RALYL: variants seen among roughly 807,000 people sequenced by gnomAD.
The protein encoded by RALYL is RNA-binding Raly-like protein.
RALYL carries 29 observed loss-of-function variants against 35.1 expected under a neutral mutation model. That is an observed-to-expected ratio of 0.83 (90% confidence interval 0.61 to 1.13). RALYL has a LOEUF of 1.13. Ranked by LOEUF, RALYL falls within the 50% of genes most tolerant of loss-of-function variation. The probability of loss-of-function intolerance (pLI) is 0.00; values close to 1 mark genes in which losing one functional copy is unlikely to be tolerated. For missense variants in RALYL, 359 were observed against 360.4 expected, an observed-to-expected ratio of 1.00 and a Z score of 0.03; for synonymous variants, 120 against 127.6, an observed-to-expected ratio of 0.94 and a Z score of 0.40.
chr8:84,298,037 T>C (rs1298422917), intron 1 of RALYL, among the ~76,000 whole-genome samples: 1 of 152,070 alleles, frequency 6.6e-6, no homozygotes, highest in Non-Finnish European at 1.5e-5. Context: ...TCTTTAGTTT[T>C]ATTAGGTCCT....
intron 2 of RALYL, among the ~76,000 whole-genome samples, chr8:84,558,539 G>T (rs1470610695): frequency 6.6e-6 from 1 of 152,082 alleles, no homozygotes; most frequent in Admixed American, 6.6e-5. Flanking sequence ...GTTGTGGAAT[G>T]ATAGTTTCTA....
intron 1 of RALYL, among the ~76,000 whole-genome samples, chr8:84,426,632 A>C (rs1322961038): frequency 1.3e-5 from 2 of 152,164 alleles, no homozygotes; most frequent in African/African-American, 4.8e-5. Flanking sequence ...AAAACAAATA[A>C]ACTGATTTAA....
At chr8:84,745,970 T>C (rs16913185) in intron 2 of RALYL, among the ~76,000 whole-genome samples, 40,887 of 151,916 alleles carry the variant, frequency 0.27, 5,918 homozygotes, top group African/African-American at 0.35. Flanking sequence ...TATGATTGAG[T>C]TGCAGGGTAT....
chr8:84,898,285 G>GC (rs1346787078), intron 8 of RALYL, among the ~76,000 whole-genome samples: 1 of 152,154 alleles, frequency 6.6e-6, no homozygotes, highest in African/African-American at 2.4e-5. Flanking sequence ...TGATTGTGGT[G>GC]CCTACTGAAG....
intron 2 of RALYL, among the ~76,000 whole-genome samples, chr8:84,657,683 A>G (rs913261018): frequency 3.3e-5 from 5 of 152,172 alleles, no homozygotes; most frequent in African/African-American, 1.2e-4. Flanking sequence ...CAAAGAGGCC[A>G]CTTGAGGAAG....
chr8:84,639,716 C>T (rs1825917097), intron 2 of RALYL, among the ~76,000 whole-genome samples: 1 of 151,862 alleles, frequency 6.6e-6, no homozygotes, highest in Non-Finnish European at 1.5e-5. Flanking sequence ...GCCCCTGGTC[C>T]ATCATACACC....
At chr8:84,683,688 G>T (rs999809173) in intron 2 of RALYL, among the ~76,000 whole-genome samples, 2 of 151,816 alleles carry the variant, frequency 1.3e-5, no homozygotes, top group African/African-American at 2.4e-5. Context: ...TTTGGTTTTG[G>T]TTTTGGTTTT....
At chr8:84,390,053 A>T (rs1860260059) in intron 1 of RALYL, among the ~76,000 whole-genome samples, 1 of 152,132 alleles carries the variant, frequency 6.6e-6, no homozygotes, top group African/African-American at 2.4e-5. Context: ...TTTTGCATGA[A>T]GGGCTGTTGA....
intron 2 of RALYL, among the ~76,000 whole-genome samples, chr8:84,605,946 T>C (rs1817038033): frequency 6.6e-6 from 1 of 152,104 alleles, no homozygotes; most frequent in Non-Finnish European, 1.5e-5. Flanking sequence ...GCCAGAGTTA[T>C]TTGTGAGATT....
chr8:84,486,800 T>C (rs1423172593), intron 1 of RALYL, among the ~76,000 whole-genome samples: 1 of 152,134 alleles, frequency 6.6e-6, no homozygotes, highest in Non-Finnish European at 1.5e-5. Context: ...AACTGAGTTT[T>C]TAAATGTATT....
At chr8:84,406,408 A>C (rs2043504649) in intron 1 of RALYL, among the ~76,000 whole-genome samples, 1 of 151,988 alleles carries the variant, frequency 6.6e-6, no homozygotes, top group South Asian at 2.1e-4. Flanking sequence ...TCAGTTTGGC[A>C]ATATGAAGCC....
At chr8:84,890,285 A>C (rs371294950) in intron 8 of RALYL, among the ~76,000 whole-genome samples, 1 of 152,184 alleles carries the variant, frequency 6.6e-6, no homozygotes, top group Non-Finnish European at 1.5e-5. Flanking sequence ...TAGTCTAAGG[A>C]TGTTGTGGCA....
intron 4 of RALYL, among the ~76,000 whole-genome samples, chr8:84,815,477 T>C (rs1826997574): frequency 6.7e-6 from 1 of 148,430 alleles, no homozygotes; most frequent in Non-Finnish European, 1.5e-5. Flanking sequence ...TATATTATTA[T>C]AAATAAAATA....
At chr8:84,302,110 GATT>G (rs1228829353) in intron 1 of RALYL, among the ~76,000 whole-genome samples, 1 of 152,104 alleles carries the variant, frequency 6.6e-6, no homozygotes, top group Non-Finnish European at 1.5e-5. Flanking sequence ...CTGTATCAAA[GATT>G]ATCATACAAC....
intron 2 of RALYL, among the ~76,000 whole-genome samples, chr8:84,703,048 T>C (rs920734998): frequency 6.6e-6 from 1 of 152,110 alleles, no homozygotes; most frequent in South Asian, 2.1e-4. Flanking sequence ...CTGTCCCTTA[T>C]GTCTATATTT....
chr8:84,614,892 G>C (rs551224704), intron 2 of RALYL, among the ~76,000 whole-genome samples: 1 of 150,888 alleles, frequency 6.6e-6, no homozygotes, highest in Non-Finnish European at 1.5e-5. Context: ...TTATCCAGGA[G>C]GATATGGTAC....
chr8:84,920,130 G>T (rs1849092470), intron 8 of RALYL, among the ~76,000 whole-genome samples: 1 of 152,024 alleles, frequency 6.6e-6, no homozygotes, highest in Non-Finnish European at 1.5e-5. Context: ...GCATGTCTTT[G>T]ACTCTTAAGA....
intron 1 of RALYL, among the ~76,000 whole-genome samples, chr8:84,449,772 C>G (rs2049250420): frequency 6.6e-6 from 1 of 151,950 alleles, no homozygotes; most frequent in Non-Finnish European, 1.5e-5. Context: ...AATTGTATTC[C>G]TCTCATCTAA....
intron 6 of RALYL, among the ~76,000 whole-genome samples, chr8:84,872,155 C>T (rs1393589214): frequency 6.6e-6 from 1 of 152,120 alleles, no homozygotes; most frequent in African/African-American, 2.4e-5. Context: ...AATAAAAGCT[C>T]GGAGGCAGAT....
Sources: allele counts gnomAD v4.1 joint callset (sites outside exome capture counted in the v4.1 genomes callset), GRCh38; gene constraint gnomAD v4.1.1; transcripts MANE v1.5; gene names NCBI Gene and HGNC (gene_info 2026-07-23, HGNC 2026-07-21).